The following ACSM3 variants were observed in gnomAD, a reference collection of about 807,000 sequenced individuals.
The protein encoded by ACSM3 is acyl-coenzyme A synthetase ACSM3, mitochondrial.
A neutral mutation model predicts 74.1 loss-of-function variants in ACSM3; 61 were observed. That is an observed-to-expected ratio of 0.82 (90% confidence interval 0.67 to 1.02). The LOEUF is 1.02. ACSM3 is among the 50% of genes least tolerant of loss of function. The pLI is 0.00. For synonymous variants in ACSM3, 213 were observed against 241.5 expected (o/e 0.88, Z 1.09); for missense variants, 660 against 697.0 (o/e 0.95, Z 0.60).
rs773798686 is a variant in ACSM3, at chr16:20,737,022, T to C, written c.-189-12888T>C. ...CTCCTCAGTATTCTCTGGTACCTGCTGGTTATTTTTTCCTTCTGCTGTGTT... is the reference window on the plus strand; with the variant it reads ...CTCCTCAGTATTCTCTGGTACCTGCCGGTTATTTTTTCCTTCTGCTGTGTT... On this transcript the variant is annotated intron_variant, in intron 1 of 3. Coordinates refer to the ACSM3 transcript ENST00000561584. 10 of 1,614,206 alleles carry C rather than the reference T, an allele frequency of 6.2e-6. No individual in the cohort carries two copies. The Admixed American group carries it at 1.5e-4, about 24-fold the overall frequency.
At chr16:20,750,088 A>G (rs189770431) in intron 2 of ACSM3, 22 of 152,378 alleles carry the variant, frequency 1.4e-4, no homozygotes, top group African/African-American at 5.3e-4. Flanking sequence ...TTGTGGAATC[A>G]TTCCAAAAGG....
At chr16:20,711,652 A>G in intron 1 of ACSM3, 1 of 756,500 alleles carries the variant, frequency 1.3e-6, no homozygotes, top group East Asian at 3.4e-5. Flanking sequence ...AAGCCGGAAC[A>G]GGTGGCTCAG....
upstream of ACSM3, among the ~76,000 whole-genome samples, chr16:20,759,851 A>G (rs547157947): frequency 6.6e-6 from 1 of 152,274 alleles, no homozygotes; most frequent in South Asian, 2.1e-4. Flanking sequence ...GAATCTTATG[A>G]CACTTGAAGT....
At chr16:20,732,756 A>G (rs1260015574) in intron 1 of ACSM3, among the ~76,000 whole-genome samples, 1 of 152,192 alleles carries the variant, frequency 6.6e-6, no homozygotes, top group African/African-American at 2.4e-5. Flanking sequence ...CAAACAGAAC[A>G]GTTTCTGGTG....
intron 1 of ACSM3, chr16:20,685,079 C>T (rs968180925): frequency 3.6e-5 from 40 of 1,103,606 alleles, no homozygotes; most frequent in Non-Finnish European, 4.6e-5. Context: ...GAAACTGGGG[C>T]GAAGGCTTCA....
chr16:20,715,620 A>C (rs1432636806), intron 1 of ACSM3, among the ~76,000 whole-genome samples: 1 of 112,344 alleles, frequency 8.9e-6, no homozygotes, highest in Non-Finnish European at 2.3e-5. Flanking sequence ...AAACAAAACA[A>C]AACAAAAAAA....
intron 12 of ACSM3, 143 bp from the exon 13 acceptor site, chr16:20,796,227 G>T (rs1332852040): frequency 7.2e-7 from 1 of 1,380,590 alleles, no homozygotes; most frequent in Admixed American, 2.9e-5. Context: ...GCTGGCTTAA[G>T]AGCACAGAGC....
At chr16:20,787,864 T>C (rs1187436273) in intron 9 of ACSM3, among the ~76,000 whole-genome samples, 2 of 152,204 alleles carry the variant, frequency 1.3e-5, no homozygotes, top group South Asian at 2.1e-4. Context: ...CTGGGACTTA[T>C]CTGGTTTTAG....
intron 1 of ACSM3, among the ~76,000 whole-genome samples, chr16:20,689,868 T>C (rs1420530475): frequency 6.6e-6 from 1 of 152,210 alleles, no homozygotes; most frequent in African/African-American, 2.4e-5. Context: ...TAATGGATTG[T>C]GAAATCAGAC....
At chr16:20,713,187 G>A (rs1596483143) in intron 1 of ACSM3, among the ~76,000 whole-genome samples, 2 of 152,072 alleles carry the variant, frequency 1.3e-5, no homozygotes, top group East Asian at 3.8e-4. Context: ...ACCTCATGGG[G>A]TTGTAGGAGA....
At chr16:20,690,707 T>C (rs921716891) in intron 1 of ACSM3, among the ~76,000 whole-genome samples, 1 of 152,176 alleles carries the variant, frequency 6.6e-6, no homozygotes, top group Non-Finnish European at 1.5e-5. Flanking sequence ...TGACTAGAAC[T>C]TTGCACCTGG....
chr16:20,729,367 T>A lies in ACSM3; in HGVS notation c.-189-20543T>A, dbSNP rs1596486973. On this transcript the variant is annotated intron_variant, in intron 1 of 3. Coordinates refer to the ACSM3 transcript ENST00000561584. Reference sequence around the variant, plus strand: ...TCATTATTTCCTCTGGGTTTGTAGATTTGCCACTCTTAAGAGGCAAGGATT... The same window carrying A: ...TCATTATTTCCTCTGGGTTTGTAGAATTGCCACTCTTAAGAGGCAAGGATT... The A allele has an allele frequency of 5.1e-6, 7 of 1,376,136 alleles. No homozygotes were observed. The East Asian group carries it at 1.6e-4, about 32-fold the overall frequency. 85.2% of individuals were successfully genotyped at this position (1,376,136 alleles called of 1,614,324 possible). A position where few individuals can be genotyped will look rare whatever the true frequency, so the allele number is the denominator to read the frequency against.
intron 1 of ACSM3, among the ~76,000 whole-genome samples, chr16:20,765,106 T>C (rs1274833643): frequency 6.6e-6 from 1 of 152,208 alleles, no homozygotes; most frequent in Non-Finnish European, 1.5e-5. Context: ...AGAGCTTGCA[T>C]TTCAGATGAG....
intron 1 of ACSM3, chr16:20,749,223 G>A (rs991782618): frequency 7.2e-5 from 11 of 151,934 alleles, no homozygotes; most frequent in Admixed American, 2.0e-4. Context: ...TGAAAATGAT[G>A]GTTAATAAGA....
intron 1 of ACSM3, among the ~76,000 whole-genome samples, chr16:20,718,011 G>GA (rs1567323299): frequency 3.4e-5 from 5 of 145,332 alleles, no homozygotes; most frequent in East Asian, 2.0e-4. Context: ...AGAAGAAGAA[G>GA]AAGAAGAAGA....
chr16:20,751,424 GA>G (rs1009918055), intron 2 of ACSM3, among the ~76,000 whole-genome samples: 13 of 151,836 alleles, frequency 8.6e-5, no homozygotes, highest in African/African-American at 2.4e-4. Context: ...TAAAGTATTT[GA>G]AAAAAAATTC....
intron 1 of ACSM3, chr16:20,737,640 GA>G (rs1420246413): frequency 1.3e-6 from 2 of 1,495,852 alleles, no homozygotes; most frequent in Non-Finnish European, 1.8e-6. Flanking sequence ...TCTTTAAAAA[GA>G]AAAAAATCCT....
chr16:20,769,053 T>G (rs1567345013), intron 1 of ACSM3, among the ~76,000 whole-genome samples: 1 of 152,258 alleles, frequency 6.6e-6, no homozygotes, highest in Admixed American at 6.5e-5. Context: ...TGTATTGTTT[T>G]GGCAATGTAT....
chr16:20,768,886 G>A (rs972191921), intron 1 of ACSM3, among the ~76,000 whole-genome samples: 14 of 152,250 alleles, frequency 9.2e-5, no homozygotes, highest in Non-Finnish European at 2.1e-4. Context: ...TGACTTGTCA[G>A]GTCTTCACAC....
Sources: allele counts gnomAD v4.1 joint callset (sites outside exome capture counted in the v4.1 genomes callset), GRCh38; gene constraint gnomAD v4.1.1; transcripts MANE v1.5; gene names NCBI Gene and HGNC (gene_info 2026-07-23, HGNC 2026-07-21).